Variants in SEZ6L observed in about 807,000 individuals in gnomAD.
SEZ6L encodes the protein seizure related 6 homolog like, also known as seizure 6-like protein.
SEZ6L carries 37 observed loss-of-function variants against 106.2 expected under a neutral mutation model. The observed-to-expected ratio is 0.35, with a 90% confidence interval of 0.27 to 0.46. The LOEUF is 0.46. Ranked by LOEUF, SEZ6L falls within the 20% of genes least tolerant of loss-of-function variation. The pLI is 1.00. For missense variants in SEZ6L, 1,172 were observed against 1,332.8 expected, an observed-to-expected ratio of 0.88 and a Z score of 1.88; for synonymous variants, 541 against 570.4, an observed-to-expected ratio of 0.95 and a Z score of 0.73.
chr22:26,248,181 A>G (rs2079431372), intron 1 of SEZ6L, among the ~76,000 whole-genome samples: 1 of 152,200 alleles, frequency 6.6e-6, no homozygotes, highest in African/African-American at 2.4e-5. Context: ...TAGAAGTCAC[A>G]CCAAATATTC....
At chr22:26,217,990 T>C (rs973669388) in intron 1 of SEZ6L, among the ~76,000 whole-genome samples, 1 of 152,206 alleles carries the variant, frequency 6.6e-6, no homozygotes, top group African/African-American at 2.4e-5. Flanking sequence ...CTCTGTCCTG[T>C]CAATCTCCTG....
intron 1 of SEZ6L, among the ~76,000 whole-genome samples, chr22:26,269,686 C>T (rs558072013): frequency 2.6e-5 from 4 of 152,324 alleles, no homozygotes; most frequent in Non-Finnish European, 5.9e-5. Context: ...AAAACATTGT[C>T]TTGTCATGAG....
In SEZ6L at chr22:26,382,152, C is replaced by A; in HGVS notation, c.*1857C>A. On this transcript the variant is annotated 3_prime_UTR_variant, in exon 17 of 17. Coordinates refer to ENST00000248933, the MANE Select transcript of SEZ6L (RefSeq NM_021115.5). ...GTCCATGGCAAGAAATAGCTAAAGG[C>A]TGCTTTCCAGGACCCAAAGCCCCAT... is the stretch of plus-strand genomic sequence containing the variant. 1 of 453,740 alleles carries A rather than the reference C, an allele frequency of 2.2e-6. No homozygotes were observed. The highest frequency in any genetic ancestry group is 4.4e-6 in the Non-Finnish European group (1 of 226,846). The allele number at this position is 453,740 out of a possible 1,614,324, so 28.1% of individuals were successfully genotyped here. A position where few individuals can be genotyped will look rare whatever the true frequency, so the allele number is the denominator to read the frequency against.
At chr22:26,343,804 T>C (rs2082921713) in intron 10 of SEZ6L, among the ~76,000 whole-genome samples, 1 of 152,220 alleles carries the variant, frequency 6.6e-6, no homozygotes, top group African/African-American at 2.4e-5. Flanking sequence ...TGATTGTTAT[T>C]CCTGTTAAAG....
At position 26,250,499 on chromosome 22, in the gene SEZ6L, C is replaced by T. The variant is rs187410643; in HGVS notation, c.95-41907C>T. ...ATACATGGATTCATTTCTGGGTTTG[C>T]GATTCTGTTCCATTGGTCTATGTAT... On this transcript the variant is annotated intron_variant, in intron 1 of 16. Coordinates refer to ENST00000248933, the MANE Select transcript of SEZ6L (RefSeq NM_021115.5). Among the ~76,000 whole-genome samples the T allele has an allele frequency of 2.6e-5, 4 of 152,162 alleles. No homozygotes were observed. In the East Asian group the frequency reaches 5.8e-4, roughly 22 times the overall value.
In SEZ6L at chr22:26,256,260, A is replaced by G. The variant is rs185957933; in HGVS notation, c.95-36146A>G. Among the ~76,000 whole-genome samples, 13 of 152,330 alleles carry G rather than the reference A, an allele frequency of 8.5e-5. No homozygotes were observed. The East Asian group carries it at 1.9e-3, about 23-fold the overall frequency. On this transcript the variant is annotated intron_variant, in intron 1 of 16. Transcript: ENST00000248933. Reference sequence around the variant, plus strand: ...GGACGTGTGCATGAAAGAATAAATAACAAAGGAATATGGGTACAAGGAGAT... The same window carrying G: ...GGACGTGTGCATGAAAGAATAAATAGCAAAGGAATATGGGTACAAGGAGAT...
intron 9 of SEZ6L, among the ~76,000 whole-genome samples, chr22:26,318,116 C>T (rs1232659183): frequency 2.0e-5 from 3 of 150,862 alleles, no homozygotes; most frequent in African/African-American, 7.3e-5. Flanking sequence ...CACTGTCACC[C>T]AGGCTGGAGT....
intron 5 of SEZ6L, 115 bp downstream of exon 5, chr22:26,299,284 C>T: frequency 2.5e-6 from 2 of 794,652 alleles, no homozygotes; most frequent in Non-Finnish European, 3.5e-6. Context: ...GGGGAAGAAA[C>T]TGCTCCAAAT....
chr22:26,285,462 C>A (rs1452194274), intron 1 of SEZ6L, among the ~76,000 whole-genome samples: 1 of 152,114 alleles, frequency 6.6e-6, no homozygotes, highest in Non-Finnish European at 1.5e-5. Flanking sequence ...AGGGCAGTGC[C>A]AGATCACCTC....
rs766445280 is a variant in SEZ6L, at chr22:26,310,737, G to A, written c.1582G>A (p.Val528Ile). ...CTACGACTCCCTTCAAACCGAGAGT[G>A]TCCCTTTTGAGGGCCTGCTGAGCGA... ...LLYDSLQTES[V>I]PFEGLLSEGN... The change falls in exon 7 of 17, where the codon GTC (valine) becomes ATC (isoleucine). Residue 528 changes from valine (V) to isoleucine (I), a missense_variant. By Grantham distance (29) the Val-to-Ile change is conservative. Around this residue, in one of 4 missense-constraint regions of SEZ6L, gnomAD observed 534 missense variants for 691.0 expected, o/e 0.77. Transcript: ENST00000248933. 14 of 1,614,150 alleles carry A rather than the reference G, an allele frequency of 8.7e-6. No individual in the cohort carries two copies. In the Admixed American group the frequency reaches 2.0e-4, roughly 23 times the overall value.
intron 1 of SEZ6L, among the ~76,000 whole-genome samples, chr22:26,198,937 G>T (rs1453525587): frequency 6.6e-6 from 1 of 152,180 alleles, no homozygotes; most frequent in East Asian, 1.9e-4. Context: ...TGGCCATGTG[G>T]CATGTTCTGG....
intron 12 of SEZ6L, among the ~76,000 whole-genome samples, chr22:26,354,743 C>G (rs1157646141): frequency 6.6e-6 from 1 of 152,224 alleles, no homozygotes; most frequent in African/African-American, 2.4e-5. Context: ...GCGGCAGCTG[C>G]TGCTGGATTT....
At chr22:26,170,382 G>A (rs1479903282) in intron 1 of SEZ6L, among the ~76,000 whole-genome samples, 1 of 152,136 alleles carries the variant, frequency 6.6e-6, no homozygotes, top group Non-Finnish European at 1.5e-5. Context: ...AACTTGGTAG[G>A]GGAGGGAGAA....
chr22:26,377,275 C>CTAAA, intron 15 of SEZ6L, among the ~76,000 whole-genome samples: 1 of 152,198 alleles, frequency 6.6e-6, no homozygotes, highest in Non-Finnish European at 1.5e-5. Context: ...GACCCTGTCT[C>CTAAA]TAAATAAATA....
At chr22:26,194,130 C>T (rs1468977825) in intron 1 of SEZ6L, among the ~76,000 whole-genome samples, 2 of 152,140 alleles carry the variant, frequency 1.3e-5, no homozygotes, top group Non-Finnish European at 2.9e-5. Flanking sequence ...GCATTGCAAG[C>T]TCAGGAAAGA....
chr22:26,263,432 T>G (rs1371215602), intron 1 of SEZ6L, among the ~76,000 whole-genome samples: 1 of 152,228 alleles, frequency 6.6e-6, no homozygotes, highest in Non-Finnish European at 1.5e-5. Context: ...AAGACTCAGA[T>G]AAGTAAAATA....
chr22:26,288,391 A>G (rs2081003936), intron 1 of SEZ6L, among the ~76,000 whole-genome samples: 1 of 152,128 alleles, frequency 6.6e-6, no homozygotes, highest in South Asian at 2.1e-4. Context: ...AATTCTGTGG[A>G]GTTGGGGTTG....
intron 1 of SEZ6L, among the ~76,000 whole-genome samples, chr22:26,211,964 C>T (rs910246261): frequency 3.3e-5 from 5 of 151,884 alleles, no homozygotes; most frequent in African/African-American, 1.2e-4. Flanking sequence ...AATATGGGGG[C>T]CATTCATTTG....
intron 16 of SEZ6L, among the ~76,000 whole-genome samples, chr22:26,378,400 C>T (rs1266615986): frequency 6.6e-6 from 1 of 152,216 alleles, no homozygotes; most frequent in Admixed American, 6.5e-5. Context: ...AAGTGGCACA[C>T]AGCCAGGATG....
Sources: allele counts gnomAD v4.1 joint callset (sites outside exome capture counted in the v4.1 genomes callset), GRCh38; gene constraint gnomAD v4.1.1; regional missense constraint gnomAD v4.1.1; transcripts MANE v1.5; gene names NCBI Gene and HGNC (gene_info 2026-07-23, HGNC 2026-07-21).